RAET1E: variants seen among roughly 807,000 people sequenced by gnomAD.
RAET1E encodes the protein NKG2D ligand 4.
A neutral mutation model predicts 21.1 loss-of-function variants in RAET1E; 27 were observed. The ratio of observed to expected loss-of-function variants is 1.28; its 90% CI spans 0.94 to 1.76. The LOEUF is 1.76. RAET1E is among the 40% of genes most tolerant of loss of function. The pLI, the probability that RAET1E is intolerant of heterozygous loss-of-function variation, is 0.00. For missense variants in RAET1E, 310 were observed against 311.3 expected, an observed-to-expected ratio of 1.00 and a Z score of 0.03; for synonymous variants, 113 against 115.0, an observed-to-expected ratio of 0.98 and a Z score of 0.11.
intron 5 of RAET1E, chr6:149,888,999 T>A (rs1337060522): frequency 6.6e-6 from 7 of 1,064,800 alleles, no homozygotes; most frequent in Non-Finnish European, 7.5e-6. Flanking sequence ...TGGGGAAGGC[T>A]TCCTAAGAAG....
At chr6:149,892,810 G>C (rs1777962992) in intron 2 of RAET1E, among the ~76,000 whole-genome samples, 1 of 152,120 alleles carries the variant, frequency 6.6e-6, no homozygotes, top group Admixed American at 6.5e-5. Flanking sequence ...TATTGCCCGG[G>C]TTTTCTTCTA....
Position 149,892,036 on chromosome 6 carries a change from C to T in RAET1E, c.-133-1002G>A, listed in dbSNP as rs567051977. 1.7e-3 allele frequency among the ~76,000 whole-genome samples: 254 copies of T among 152,282 alleles called. 1 individual carries two copies. Among genetic ancestry groups the T allele is most frequent in the Non-Finnish European group, 2.9e-3 (200 of 68,022 alleles). ...GAATGTTGGTTTCCAGCTTTATCCA[C>T]GTCCCTGCAAAGGGCATAAACTCAT... On this transcript the variant is annotated intron_variant, in intron 2 of 5. Transcript: ENST00000357183.
chr6:149,890,847 A>G lies in RAET1E; in HGVS notation c.55T>C (p.Leu19=), dbSNP rs1395548366. ...SPVRLLLFLL[L]LLIALEIMVG... ...ATGATCTCCAAGGCTATTAGTAGCA[A>G]CAGCAGAAACAAAAGAAGGCGCACA... Residue 19 remains leucine, a synonymous_variant, in exon 3 of 6, where the codon TTG becomes CTG. Transcript: ENST00000357183. The G allele has an allele frequency of 6.2e-7, 1 of 1,613,742 alleles. No individual in the cohort carries two copies. Among genetic ancestry groups the G allele is most frequent in the East Asian group, 2.2e-5 (1 of 44,868 alleles).
In RAET1E at chr6:149,889,461, G is replaced by A. The variant is rs1228497287; in HGVS notation, c.509C>T (p.Thr170Ile). 1 of 1,614,022 alleles carries A rather than the reference G, an allele frequency of 6.2e-7. No homozygotes were observed. Among genetic ancestry groups the A allele is most frequent in the African/African-American group, 1.3e-5 (1 of 74,912 alleles). The stretch of plus-strand genomic sequence containing the variant: ...TTCCAGCCCTCTGTCTTTCTTCCAT[G>A]TCTCCTTGATCTTACTGGCTTCATG... Reference protein sequence around the residue: ...INHEASKIKETWKKDRGLEKY... With the variant: ...INHEASKIKEIWKKDRGLEKY... The change falls in exon 5 of 6, where the codon ACA becomes ATA. Residue 170 changes from threonine (T) to isoleucine (I), a missense_variant. Physicochemically the swap from Thr to Ile is moderately conservative, Grantham distance 89. Transcript: ENST00000357183.
At chr6:149,890,536 G>A (rs1777843496) in intron 3 of RAET1E, among the ~76,000 whole-genome samples, 2 of 152,150 alleles carry the variant, frequency 1.3e-5, no homozygotes, top group East Asian at 1.9e-4. Flanking sequence ...CAGGACACAC[G>A]CTGAATTCCT....
Position 149,890,835 on chromosome 6 carries a change from C to A in RAET1E, c.67G>T (p.Ala23Ser). 19 of 1,613,058 alleles carry A rather than the reference C, an allele frequency of 1.2e-5. No homozygotes were observed. The highest frequency in any genetic ancestry group is 1.6e-5 in the Non-Finnish European group (19 of 1,179,096). Residue 23 changes from alanine (A) to serine (S), a missense_variant, in exon 3 of 6, where the codon GCC (alanine) becomes TCC (serine). Transcript: ENST00000357183. ...LLLFLLLLLI[A>S]LEIMVGGHSL... Reference sequence around the variant, plus strand: ...CACTCACCAACCATGATCTCCAAGGCTATTAGTAGCAACAGCAGAAACAAA... The same window carrying A: ...CACTCACCAACCATGATCTCCAAGGATATTAGTAGCAACAGCAGAAACAAA...
chr6:149,896,105 A>C (rs1778103995), intron 1 of RAET1E, 73 bp from the exon 2 acceptor site: 3 of 152,234 alleles, frequency 2.0e-5, no homozygotes, highest in Admixed American at 2.0e-4. Flanking sequence ...GCGGCCTGTA[A>C]CACCACCCAT....
Position 149,888,265 on chromosome 6 carries a change from G to A in RAET1E, c.*233C>T, listed in dbSNP as rs551995690. ...CAAAGAGCTGGATGAAACCTGGGCC[G>A]GATGGCAAGGAGACAACACCCCAGG... On this transcript the variant is annotated 3_prime_UTR_variant, in exon 6 of 6. Transcript: ENST00000357183. 1.8e-5 allele frequency: 13 copies of A among 704,712 alleles called. No homozygotes were observed. The highest frequency in any genetic ancestry group is 1.1e-4 in the East Asian group (4 of 35,812). The allele number at this position is 704,712 out of a possible 1,614,324, so 43.7% of individuals were successfully genotyped here.
chr6:149,893,776 T>G (rs1459350775), intron 2 of RAET1E, among the ~76,000 whole-genome samples: 1 of 152,212 alleles, frequency 6.6e-6, no homozygotes, highest in South Asian at 2.1e-4. Flanking sequence ...CCTTGTCTTG[T>G]GCTGATTTTC....
rs570497500 is a variant in RAET1E at position 149,885,541 on chromosome 6, C to T, written c.*2957G>A. The T allele has an allele frequency of 1.3e-5, 2 of 152,418 alleles. No individual in the cohort carries two copies. The highest frequency in any genetic ancestry group is 3.9e-4 in the East Asian group (2 of 5,188). The allele number at this position is 152,418 out of a possible 1,614,324, so 9.4% of individuals were successfully genotyped here. A position where few individuals can be genotyped will look rare whatever the true frequency, so the allele number is the denominator to read the frequency against. ...ATACAGGACAAGCCCTGCCCCTAAT[C>T]CAGAGGCCAGTTGGCCCCATCTCAT... On this transcript the variant is annotated 3_prime_UTR_variant, in exon 6 of 6. Transcript: ENST00000357183.
rs1388123345 is a variant in RAET1E, at chr6:149,888,247, C to A, written c.*251G>T. 1.0e-5 allele frequency: 7 copies of A among 699,390 alleles called. No individual in the cohort carries two copies. The highest frequency in any genetic ancestry group is 1.8e-5 in the Non-Finnish European group (7 of 381,990). The allele number at this position is 699,390 out of a possible 1,614,324, so 43.3% of individuals were successfully genotyped here. On this transcript the variant is annotated 3_prime_UTR_variant, in exon 6 of 6. Coordinates refer to ENST00000357183, the MANE Select transcript of RAET1E (RefSeq NM_001394057.1). The stretch of plus-strand genomic sequence containing the variant: ...AGCAAACAAACTTTCCGTCAAAGAG[C>A]TGGATGAAACCTGGGCCGGATGGCA...
Position 149,888,669 on chromosome 6 carries a change from T to TAAAAAA in RAET1E, c.623-8_623-3dup, listed in dbSNP as rs3036672. ...TATCTGAAGCATTTACTGGTGACAC[T>TAAAAAA]AAAAAAAAAAAAAAAAAGAAAAAAA... On this transcript the variant is annotated splice_polypyrimidine_tract_variant and splice_region_variant and intron_variant, in intron 5 of 5. Transcript: ENST00000357183. The TAAAAAA allele has an allele frequency of 1.3e-3, 1,690 of 1,336,664 alleles. 7 individuals carry two copies. The highest frequency in any genetic ancestry group is 2.7e-3 in the South Asian group (172 of 63,910). The allele number at this position is 1,336,664 out of a possible 1,614,324, so 82.8% of individuals were successfully genotyped here. A position where few individuals can be genotyped will look rare whatever the true frequency, so the allele number is the denominator to read the frequency against.
At chr6:149,896,569 T>G (rs1021371309) in intron 1 of RAET1E, among the ~76,000 whole-genome samples, 20 of 152,140 alleles carry the variant, frequency 1.3e-4, no homozygotes, top group Non-Finnish European at 2.5e-4. Context: ...AGGAACTCAC[T>G]GCTACCGCCC....
intron 2 of RAET1E, among the ~76,000 whole-genome samples, chr6:149,892,794 G>A (rs936534146): frequency 4.6e-5 from 7 of 152,122 alleles, no homozygotes; most frequent in Non-Finnish European, 7.4e-5. Flanking sequence ...CCTATATCCC[G>A]AATGGTATTG....
chr6:149,894,822 G>A (rs1020828911), intron 2 of RAET1E, among the ~76,000 whole-genome samples: 8 of 152,120 alleles, frequency 5.3e-5, no homozygotes, highest in Non-Finnish European at 8.8e-5. Context: ...CATTGCTGGC[G>A]AGGAGTTGTG....
intron 2 of RAET1E, among the ~76,000 whole-genome samples, chr6:149,892,554 TG>T (rs1009290985): frequency 5.4e-4 from 83 of 152,332 alleles, no homozygotes; most frequent in African/African-American, 2.0e-3. Context: ...TTGATGGGGT[TG>T]TTTTTTTTCT....
Position 149,884,168 on chromosome 6 carries a change from A to G in RAET1E, c.*4330T>C, listed in dbSNP as rs1777509320. The G allele has an allele frequency of 6.0e-6, 2 of 332,996 alleles. No homozygotes were observed. Among genetic ancestry groups the G allele is most frequent in the East Asian group, 5.0e-5 (1 of 20,124 alleles). The allele number at this position is 332,996 out of a possible 1,614,324, so 20.6% of individuals were successfully genotyped here. On this transcript the variant is annotated 3_prime_UTR_variant, in exon 6 of 6. Transcript: ENST00000357183. ...CTGGTGGTAGGATCATAGGTCCACA[A>G]TCTCACGAGCAAAGGCTCACTGCAG...
chr6:149,886,506 T>C lies in RAET1E; in HGVS notation c.*1992A>G, dbSNP rs1357835883. ...GCCTCCTGAGTTCAAGCGATTCTCC[T>C]GTCTCAGCCTCCCGAGTAGCTGGGA... On this transcript the variant is annotated 3_prime_UTR_variant, in exon 6 of 6. Transcript: ENST00000357183. Among the ~76,000 whole-genome samples, 4 of 152,252 alleles carry C rather than the reference T, an allele frequency of 2.6e-5. No individual in the cohort carries two copies. The highest frequency in any genetic ancestry group is 9.6e-5 in the African/African-American group (4 of 41,478).
At position 149,891,885 on chromosome 6, in the gene RAET1E, C is replaced by A. The variant is rs12204653; in HGVS notation, c.-133-851G>T. On this transcript the variant is annotated intron_variant, in intron 2 of 5. Transcript: ENST00000357183. ...TAATGTTACCCCTCTCCTAGCCCCCCACCCCGTGACAGGCCCTGGTGTGTG... is the reference window on the plus strand; with the variant it reads ...TAATGTTACCCCTCTCCTAGCCCCCAACCCCGTGACAGGCCCTGGTGTGTG... Among the ~76,000 whole-genome samples the A allele has an allele frequency of 9.9e-4, 150 of 152,094 alleles. 2 individuals carry two copies. The highest frequency in any genetic ancestry group is 6.8e-3 in the Middle Eastern group (2 of 294).
Sources: gnomAD v4.1 joint callset for allele counts (sites outside exome capture counted in the v4.1 genomes callset) on GRCh38, gnomAD v4.1.1 for gene constraint, MANE v1.5 for transcripts, NCBI Gene and HGNC (gene_info 2026-07-23, HGNC 2026-07-21) for gene names.